Variants in FEZ2 observed in about 807,000 individuals in gnomAD.
FEZ2 encodes the protein fasciculation and elongation protein zeta 2, also known as fasciculation and elongation protein zeta-2.
Under a neutral mutation model 40.4 loss-of-function variants are expected in FEZ2, and 51 were observed. That is an observed-to-expected ratio of 1.26 (90% CI 1.01 to 1.59). The LOEUF is 1.59. FEZ2 is among the 40% of genes most tolerant of loss of function. The probability of loss-of-function intolerance (pLI) is 0.00; values close to 1 mark genes in which losing one functional copy is unlikely to be tolerated. For missense variants in FEZ2, 640 were observed against 438.3 expected (o/e 1.46, Z -4.11); for synonymous variants, 242 against 172.0 (o/e 1.41, Z -3.18).
At chr2:36,566,523 T>C (rs2125225247) in intron 5 of FEZ2, among the ~76,000 whole-genome samples, 1 of 152,102 alleles carries the variant, frequency 6.6e-6, no homozygotes, top group East Asian at 1.9e-4. Context: ...TTTCATATGC[T>C]CCAAAAAGCA....
chr2:36,558,880 A>G (rs1016987679), intron 5 of FEZ2: 1 of 157,302 alleles, frequency 6.4e-6, no homozygotes, highest in African/African-American at 2.4e-5. Context: ...AAAAATAGCA[A>G]TTTAAACTAA....
At chr2:36,558,620 T>C (rs1268768291) in intron 5 of FEZ2, 107 bp from the exon 6 acceptor site, 8 of 542,102 alleles carry the variant, frequency 1.5e-5, no homozygotes, top group Admixed American at 3.6e-5. Flanking sequence ...AAACACAAGC[T>C]ACTTTGGTAA....
Position 36,597,995 on chromosome 2 carries a change from G to C in FEZ2, c.148C>G (p.Pro50Ala), listed in dbSNP as rs750327600. ...AGCTTCTCCTCCAAGCTGCAGGCCGGGGCCGGGAAACCGTCGGCGCCCCCA... is the reference window on the plus strand; with the variant it reads ...AGCTTCTCCTCCAAGCTGCAGGCCGCGGCCGGGAAACCGTCGGCGCCCCCA... ...AGGGADGFPA[P>A]ACSLEEKLSL... is the part of the protein sequence containing the mutation. Residue 50 changes from proline to alanine, a missense_variant, in exon 1 of 8, where the codon CCG (proline) becomes GCG (alanine). Coordinates refer to ENST00000405912, the MANE Select transcript of FEZ2 (RefSeq NM_005102.3). 1.3e-6 allele frequency: 2 copies of C among 1,493,680 alleles called. No homozygotes were observed. The highest frequency in any genetic ancestry group is 1.8e-6 in the Non-Finnish European group (2 of 1,127,460). 92.5% of individuals were successfully genotyped at this position (1,493,680 alleles called of 1,614,324 possible).
Position 36,583,058 on chromosome 2 carries a change from A to G in FEZ2, c.492+295T>C, listed in dbSNP as rs1354993985. Among the ~76,000 whole-genome samples, 7 of 152,348 alleles carry G rather than the reference A, an allele frequency of 4.6e-5. No individual in the cohort carries two copies. In the East Asian group the frequency reaches 1.3e-3, roughly 29 times the overall value. ...CGTGTTTGGGTAAATCTAAAGAAACAAGGAAATTCACAATATTTTTCTGGT... is the reference window on the plus strand; with the variant it reads ...CGTGTTTGGGTAAATCTAAAGAAACGAGGAAATTCACAATATTTTTCTGGT... On this transcript the variant is annotated intron_variant, in intron 3 of 7. Coordinates refer to ENST00000405912, the MANE Select transcript of FEZ2 (RefSeq NM_005102.3).
intron 4 of FEZ2, chr2:36,579,131 G>T: frequency 2.5e-6 from 1 of 401,346 alleles, no homozygotes; most frequent in Non-Finnish European, 4.4e-6. Flanking sequence ...TTTTACTTGT[G>T]CAAATAAATC....
In FEZ2 at chr2:36,555,767, G is replaced by T. The variant is rs774545070; in HGVS notation, c.980-19C>A. On this transcript the variant is annotated intron_variant, in intron 6 of 7. Coordinates refer to ENST00000405912, the MANE Select transcript of FEZ2 (RefSeq NM_005102.3). ...CGAAGAACTGCAAAATAGAAGAGGG[G>T]AAAAAAGACAACAATTAAAAATTTA... 2.8e-6 allele frequency: 4 copies of T among 1,447,480 alleles called. No individual in the cohort carries two copies. The highest frequency in any genetic ancestry group is 2.8e-6 in the Non-Finnish European group (3 of 1,057,170). 89.7% of individuals were successfully genotyped at this position (1,447,480 alleles called of 1,614,324 possible).
rs1352069601 is a variant in FEZ2 at position 36,553,153 on chromosome 2, A to G, written c.*10T>C. The G allele has an allele frequency of 6.4e-7, 1 of 1,566,646 alleles. No individual in the cohort carries two copies. The highest frequency in any genetic ancestry group is 1.2e-5 in the South Asian group (1 of 84,970). ...CTAGCTTGGAGCCCACCGCAGATAA[A>G]GTTGCTGCTCTATGTAGGACACAGA... On this transcript the variant is annotated 3_prime_UTR_variant, in exon 8 of 8. Transcript: ENST00000405912.
Position 36,552,908 on chromosome 2 carries a change from C to A in FEZ2, c.*255G>T. 1 of 449,756 alleles carries A rather than the reference C, an allele frequency of 2.2e-6. No individual in the cohort carries two copies. Among genetic ancestry groups the A allele is most frequent in the Admixed American group, 3.9e-5 (1 of 25,586 alleles). The allele number at this position is 449,756 out of a possible 1,614,324, so 27.9% of individuals were successfully genotyped here. On this transcript the variant is annotated 3_prime_UTR_variant, in exon 8 of 8. Coordinates refer to ENST00000405912, the MANE Select transcript of FEZ2 (RefSeq NM_005102.3). ...AACTGCACATGCACAATTAATATTA[C>A]TCTCTCTTAATCTACTAAGAGAACA...
At chr2:36,555,244 G>A (rs848643) in intron 7 of FEZ2, 52,846 of 152,806 alleles carry the variant, frequency 0.35, 9,398 homozygotes, top group South Asian at 0.49. Flanking sequence ...AGTCCCTTTC[G>A]TATTCCCTTT....
chr2:36,569,436 G>C (rs1229677563), intron 5 of FEZ2, among the ~76,000 whole-genome samples: 11 of 152,232 alleles, frequency 7.2e-5, no homozygotes, highest in African/African-American at 2.4e-4. Flanking sequence ...AACATAAAGA[G>C]ACATTACTAT....
chr2:36,597,403 G>C (rs571143272), intron 1 of FEZ2, among the ~76,000 whole-genome samples: 1 of 152,298 alleles, frequency 6.6e-6, no homozygotes, highest in East Asian at 1.9e-4. Context: ...ACATGTATTT[G>C]TTTACAAATC....
intron 1 of FEZ2, among the ~76,000 whole-genome samples, chr2:36,594,067 A>T (rs1669145604): frequency 1.3e-5 from 2 of 152,100 alleles, no homozygotes; most frequent in South Asian, 4.2e-4. Flanking sequence ...CTTTGCCAAA[A>T]CATAACAAGG....
chr2:36,552,279 A>G lies in FEZ2; in HGVS notation c.*884T>C, dbSNP rs1228718441. On this transcript the variant is annotated 3_prime_UTR_variant, in exon 8 of 8. Transcript: ENST00000405912. The stretch of plus-strand genomic sequence containing the variant: ...TGTATTTTTACTTCTTAAAAAATTT[A>G]TTAAATGCCATTGATTTGACTGGAA... The G allele has an allele frequency of 2.2e-6, 1 of 445,318 alleles. No homozygotes were observed. Among genetic ancestry groups the G allele is most frequent in the South Asian group, 1.7e-5 (1 of 60,198 alleles). 27.6% of individuals were successfully genotyped at this position (445,318 alleles called of 1,614,324 possible). A position where few individuals can be genotyped will look rare whatever the true frequency, so the allele number is the denominator to read the frequency against.
rs1252513936 is a variant in FEZ2 at position 36,583,402 on chromosome 2, G to A, written c.443C>T (p.Ser148Leu). 8 of 1,609,146 alleles carry A rather than the reference G, an allele frequency of 5.0e-6. No homozygotes were observed. Among genetic ancestry groups the A allele is most frequent in the Non-Finnish European group, 6.8e-6 (8 of 1,175,696 alleles). The change falls in exon 3 of 8, where the codon TCA becomes TTA. Residue 148 changes from serine to leucine, a missense_variant. Coordinates refer to ENST00000405912, the MANE Select transcript of FEZ2 (RefSeq NM_005102.3). Reference protein sequence around the residue: ...EELREQLDMHSIIVSCVNDEP... With the variant: ...EELREQLDMHLIIVSCVNDEP... ...ATCATTAACACAGGAGACGATGATT[G>A]AGTGCATATCCAGCTGTTCTCTCAG...
At chr2:36,588,002 T>A (rs1668952475) in intron 2 of FEZ2, among the ~76,000 whole-genome samples, 1 of 152,048 alleles carries the variant, frequency 6.6e-6, no homozygotes, top group Non-Finnish European at 1.5e-5. Flanking sequence ...TTCACTTTCA[T>A]CTGCTGAGTT....
intron 1 of FEZ2, 21 bp from the exon 2 acceptor site, chr2:36,591,032 A>G (rs1414492617): frequency 7.3e-7 from 1 of 1,375,550 alleles, no homozygotes; most frequent in Admixed American, 1.7e-5. Flanking sequence ...AGAAAGCTAC[A>G]ATCAATGAAA....
intron 2 of FEZ2, among the ~76,000 whole-genome samples, chr2:36,585,158 A>T (rs780744956): frequency 2.0e-5 from 3 of 152,248 alleles, no homozygotes; most frequent in Non-Finnish European, 2.9e-5. Context: ...GTGAATTCTC[A>T]ATAGCAACAA....
At chr2:36,596,463 G>A (rs1028776856) in intron 1 of FEZ2, among the ~76,000 whole-genome samples, 1 of 152,024 alleles carries the variant, frequency 6.6e-6, no homozygotes, top group African/African-American at 2.4e-5. Flanking sequence ...TCCTTCCCAT[G>A]TCCTCATTTT....
chr2:36,555,599 C>A, intron 7 of FEZ2, 84 bp downstream of exon 7: 1 of 640,714 alleles, frequency 1.6e-6, no homozygotes, highest in Non-Finnish European at 2.7e-6. Flanking sequence ...TGGGAAGTTA[C>A]TGTCTAATGT....
Sources: allele counts gnomAD v4.1 joint callset (sites outside exome capture counted in the v4.1 genomes callset), GRCh38; gene constraint gnomAD v4.1.1; transcripts MANE v1.5; gene names NCBI Gene and HGNC (gene_info 2026-07-23, HGNC 2026-07-21).